The following SLC4A4 variants were observed in gnomAD, a reference collection of about 807,000 sequenced individuals.
SLC4A4 encodes solute carrier family 4 member 4, also known as electrogenic sodium bicarbonate cotransporter 1.
Under a neutral mutation model 111.5 loss-of-function variants are expected in SLC4A4, and 27 were observed. That is an observed-to-expected ratio of 0.24 (90% CI 0.18 to 0.33). The LOEUF (loss-of-function observed/expected upper bound fraction) is 0.33. Ranked by LOEUF, SLC4A4 falls within the 10% of genes least tolerant of loss-of-function variation. SLC4A4 has a pLI of 1.00. For synonymous variants in SLC4A4, 443 were observed against 463.4 expected (o/e 0.96, Z 0.57); for missense variants, 909 against 1,315.5 (o/e 0.69, Z 4.78).
At chr4:71,126,691 T>C (rs1297639946) in intron 2 of SLC4A4, among the ~76,000 whole-genome samples, 1 of 152,258 alleles carries the variant, frequency 6.6e-6, no homozygotes, top group Non-Finnish European at 1.5e-5. Context: ...AATATGTAAT[T>C]CATATTTACT....
intron 3 of SLC4A4, among the ~76,000 whole-genome samples, chr4:71,311,048 T>A (rs912611791): frequency 6.6e-6 from 1 of 152,120 alleles, no homozygotes; most frequent in African/African-American, 2.4e-5. Context: ...GCAATCGTAG[T>A]CTCTGATAAA....
intron 1 of SLC4A4, among the ~76,000 whole-genome samples, chr4:71,069,135 C>T (rs1741605246): frequency 6.6e-6 from 1 of 152,076 alleles, no homozygotes; most frequent in Admixed American, 6.5e-5. Flanking sequence ...TTATTTTTTT[C>T]AGGGCAGGCA....
At position 71,371,342 on chromosome 4, in the gene SLC4A4, C is replaced by G. The variant is rs186328649; in HGVS notation, c.730+14155C>G. Among the ~76,000 whole-genome samples, 589 of 146,672 alleles carry G rather than the reference C, an allele frequency of 4.0e-3. 12 individuals carry two copies. Among genetic ancestry groups the G allele is most frequent in the Admixed American group, 0.027 (382 of 14,260 alleles). On this transcript the variant is annotated intron_variant, in intron 6 of 25. Coordinates refer to ENST00000264485, the MANE Select transcript of SLC4A4 (RefSeq NM_001098484.3). ...TACTGCAACCTCTGCCTCCTGAGTT[C>G]AAGCAATTCTCCTGCCTCAGCCTCC...
chr4:71,557,270 A>G (rs1736555706), intron 21 of SLC4A4, among the ~76,000 whole-genome samples: 1 of 151,994 alleles, frequency 6.6e-6, no homozygotes, highest in Non-Finnish European at 1.5e-5. Flanking sequence ...CATTCTGGAA[A>G]TGTATTAATA....
intron 24 of SLC4A4, among the ~76,000 whole-genome samples, chr4:71,564,421 C>G (rs1336368911): frequency 4.6e-5 from 7 of 151,842 alleles, no homozygotes; most frequent in Non-Finnish European, 8.8e-5. Context: ...CATTTGCTTT[C>G]TAATCTCTTC....
At chr4:71,320,187 C>A (rs558018137) in intron 3 of SLC4A4, among the ~76,000 whole-genome samples, 3 of 152,148 alleles carry the variant, frequency 2.0e-5, no homozygotes, top group Admixed American at 6.6e-5. Flanking sequence ...TTTCATATTA[C>A]TAGACAACTT....
At chr4:71,270,310 G>A (rs375382898) in intron 3 of SLC4A4, among the ~76,000 whole-genome samples, 31 of 152,158 alleles carry the variant, frequency 2.0e-4, no homozygotes, top group African/African-American at 7.2e-4. Context: ...GGCTGGTCTC[G>A]AACTCCTGAC....
chr4:71,275,352 G>A (rs1381152087), intron 3 of SLC4A4, among the ~76,000 whole-genome samples: 1 of 152,158 alleles, frequency 6.6e-6, no homozygotes, highest in Admixed American at 6.5e-5. Flanking sequence ...TTAAACTGAA[G>A]ATGCAGTTGG....
chr4:71,516,439 C>T (rs1732406595), intron 16 of SLC4A4, among the ~76,000 whole-genome samples: 1 of 152,040 alleles, frequency 6.6e-6, no homozygotes, highest in African/African-American at 2.4e-5. Flanking sequence ...CTTTTTCTTA[C>T]TCTTTTGTGT....
chr4:71,089,951 A>G (rs1483190081), intron 1 of SLC4A4, among the ~76,000 whole-genome samples: 1 of 111,698 alleles, frequency 9.0e-6, no homozygotes, highest in African/African-American at 2.7e-5. Context: ...AAGTCTGCAG[A>G]GAATTCTGTT....
intron 2 of SLC4A4, among the ~76,000 whole-genome samples, chr4:71,121,059 G>A (rs1743403931): frequency 6.6e-6 from 1 of 152,198 alleles, no homozygotes; most frequent in South Asian, 2.1e-4. Context: ...GCAGTAAGGG[G>A]CTTAGCACCC....
At chr4:71,394,789 T>C (rs1005418908) in intron 6 of SLC4A4, among the ~76,000 whole-genome samples, 2 of 152,076 alleles carry the variant, frequency 1.3e-5, no homozygotes, top group Non-Finnish European at 2.9e-5. Context: ...CTGGATGGGA[T>C]TGGAGACCGT....
chr4:71,479,145 G>A (rs1728638712), intron 14 of SLC4A4, among the ~76,000 whole-genome samples: 2 of 151,688 alleles, frequency 1.3e-5, no homozygotes, highest in South Asian at 2.1e-4. Context: ...ATTTATTGTT[G>A]ACTGTTCCAG....
At chr4:71,561,827 A>C (rs557387358) in intron 23 of SLC4A4, among the ~76,000 whole-genome samples, 1 of 151,884 alleles carries the variant, frequency 6.6e-6, no homozygotes, top group African/African-American at 2.4e-5. Context: ...TGCCTGAAAT[A>C]TTAAAATAAT....
chr4:71,427,039 CATAG>C (rs1320259695), intron 7 of SLC4A4, among the ~76,000 whole-genome samples: 1 of 151,964 alleles, frequency 6.6e-6, no homozygotes, highest in Non-Finnish European at 1.5e-5. Context: ...TATGGGTATG[CATAG>C]ATAGATGCAA....
At chr4:71,107,946 A>T (rs1313485180) in intron 2 of SLC4A4, among the ~76,000 whole-genome samples, 1 of 152,122 alleles carries the variant, frequency 6.6e-6, no homozygotes, top group Non-Finnish European at 1.5e-5. Flanking sequence ...TATACTATAT[A>T]GCTATTTCCT....
chr4:71,167,177 G>C (rs1744800345), intron 2 of SLC4A4, among the ~76,000 whole-genome samples: 1 of 152,124 alleles, frequency 6.6e-6, no homozygotes, highest in Admixed American at 6.5e-5. Context: ...ATGTGCCTGT[G>C]TTGGGAAGAC....
At chr4:71,326,521 C>T (rs1018048336) in intron 3 of SLC4A4, among the ~76,000 whole-genome samples, 3 of 151,930 alleles carry the variant, frequency 2.0e-5, no homozygotes, top group South Asian at 4.2e-4. Context: ...CATCTCCAAG[C>T]CTCAGTTTTC....
Position 71,284,492 on chromosome 4 carries a change from T to G in SLC4A4, c.253+29093T>G, listed in dbSNP as rs137879190. Among the ~76,000 whole-genome samples, 731 of 152,378 alleles carry G rather than the reference T, an allele frequency of 4.8e-3. 3 individuals are homozygous for G. Among genetic ancestry groups the G allele is most frequent in the Non-Finnish European group, 8.2e-3 (559 of 68,036 alleles). On this transcript the variant is annotated intron_variant, in intron 3 of 25. Transcript: ENST00000264485. Reference sequence around the variant, plus strand: ...TTGGTCTTAGTTTTGCTCTTCATAATGCAGTTAATCCTTCTTCCACATAAC... The same window carrying G: ...TTGGTCTTAGTTTTGCTCTTCATAAGGCAGTTAATCCTTCTTCCACATAAC...
Sources: allele counts gnomAD v4.1 joint callset (sites outside exome capture counted in the v4.1 genomes callset), GRCh38; gene constraint gnomAD v4.1.1; transcripts MANE v1.5; gene names NCBI Gene and HGNC (gene_info 2026-07-23, HGNC 2026-07-21).